Variants in FAT3 observed in about 807,000 individuals in gnomAD.
FAT3 encodes protocadherin Fat 3.
Under a neutral mutation model 310.2 loss-of-function variants are expected in FAT3, and 95 were observed. The ratio of observed to expected loss-of-function variants is 0.31; its 90% CI spans 0.26 to 0.36. The LOEUF is 0.36. FAT3 is among the 10% of genes least tolerant of loss of function. FAT3 has a pLI of 1.00. For missense variants in FAT3, 5,408 were observed against 5,715.6 expected, an observed-to-expected ratio of 0.95 and a Z score of 1.74; for synonymous variants, 2,314 against 2,192.9, an observed-to-expected ratio of 1.06 and a Z score of -1.54.
intron 3 of FAT3, among the ~76,000 whole-genome samples, chr11:92,634,484 A>G (rs1941682681): frequency 6.6e-6 from 1 of 152,206 alleles, no homozygotes; most frequent in Admixed American, 6.5e-5. Flanking sequence ...ATCTTCACTC[A>G]GCTGGACAAT....
rs1261489545 is a variant in FAT3 at position 92,801,806 on chromosome 11, G to C, written c.8793G>C (p.Gly2931=). Residue 2931 remains glycine, a synonymous_variant, in exon 10 of 28, where the codon GGG becomes GGC. Coordinates refer to ENST00000525166, the MANE Select transcript of FAT3 (RefSeq NM_001367949.2). ...APVFAQEVYR[G]NVKESDPPGE... is the part of the protein sequence containing the mutation. Reference sequence around the variant, plus strand: ...TCTTCGCGCAGGAAGTGTACCGAGGGAATGTGAAGGAGAGCGACCCACCGG... The same window carrying C: ...TCTTCGCGCAGGAAGTGTACCGAGGCAATGTGAAGGAGAGCGACCCACCGG... 3.4e-5 allele frequency: 55 copies of C among 1,613,690 alleles called. No individual in the cohort carries two copies. The highest frequency in any genetic ancestry group is 4.6e-5 in the Non-Finnish European group (54 of 1,179,844).
At chr11:92,317,198 C>G (rs148484122) in intron 1 of FAT3, among the ~76,000 whole-genome samples, 221 of 152,320 alleles carry the variant, frequency 1.5e-3, no homozygotes, top group African/African-American at 4.9e-3. Flanking sequence ...TTTCTCTTCT[C>G]TCCCTGCAAA....
At chr11:92,471,116 T>C (rs889804712) in intron 2 of FAT3, among the ~76,000 whole-genome samples, 1 of 152,230 alleles carries the variant, frequency 6.6e-6, no homozygotes, top group Non-Finnish European at 1.5e-5. Flanking sequence ...TATTTACTTT[T>C]TATGACTATT....
chr11:92,328,912 G>A (rs73546472), intron 1 of FAT3, among the ~76,000 whole-genome samples: 2,282 of 152,228 alleles, frequency 0.015, 56 homozygotes, highest in African/African-American at 0.053. Flanking sequence ...ATGTGACAGT[G>A]GGGTAAAGCA....
intron 22 of FAT3, among the ~76,000 whole-genome samples, chr11:92,880,499 C>T (rs1949648724): frequency 6.6e-6 from 1 of 151,842 alleles, no homozygotes; most frequent in African/African-American, 2.4e-5. Context: ...CACTAGCATT[C>T]ATGTATGTGG....
intron 2 of FAT3, among the ~76,000 whole-genome samples, chr11:92,513,728 A>G (rs946697135): frequency 6.6e-6 from 1 of 152,346 alleles, no homozygotes; most frequent in Middle Eastern, 3.4e-3. Context: ...GCACAAGTGA[A>G]CAGACTCTGT....
intron 1 of FAT3, among the ~76,000 whole-genome samples, chr11:92,312,516 C>G (rs1028099936): frequency 6.6e-6 from 1 of 152,126 alleles, no homozygotes; most frequent in Non-Finnish European, 1.5e-5. Context: ...TTGCACCACA[C>G]AAAACAAATA....
intron 1 of FAT3, among the ~76,000 whole-genome samples, chr11:92,250,870 C>G (rs1865109512): frequency 6.6e-6 from 1 of 152,116 alleles, no homozygotes; most frequent in African/African-American, 2.4e-5. Context: ...GCTGTCGTTT[C>G]TTAGTGGAGT....
chr11:92,448,926 G>A (rs2135111882), intron 2 of FAT3, among the ~76,000 whole-genome samples: 1 of 152,258 alleles, frequency 6.6e-6, no homozygotes, highest in African/African-American at 2.4e-5. Context: ...ATTCCAAAGG[G>A]CAGCATGGGG....
At chr11:92,447,990 C>A (rs919666661) in intron 2 of FAT3, among the ~76,000 whole-genome samples, 1 of 152,066 alleles carries the variant, frequency 6.6e-6, no homozygotes, top group African/African-American at 2.4e-5. Flanking sequence ...GGGAGAGAAC[C>A]TGGGAAAGGT....
chr11:92,873,897 T>C (rs1483606757), intron 22 of FAT3, among the ~76,000 whole-genome samples: 2 of 152,314 alleles, frequency 1.3e-5, no homozygotes, highest in East Asian at 3.9e-4. Flanking sequence ...ATCTGAGAAC[T>C]GGCATGAAGT....
At chr11:92,497,282 A>T (rs142609266) in intron 2 of FAT3, among the ~76,000 whole-genome samples, 1 of 152,018 alleles carries the variant, frequency 6.6e-6, no homozygotes, top group Non-Finnish European at 1.5e-5. Context: ...TTTGTTAGAT[A>T]ATGAGTTTGT....
chr11:92,478,604 C>A (rs1025086679), intron 2 of FAT3, among the ~76,000 whole-genome samples: 2 of 151,404 alleles, frequency 1.3e-5, no homozygotes, highest in South Asian at 4.1e-4. Context: ...AGAAACGATG[C>A]ACTTTCTATC....
intron 1 of FAT3, among the ~76,000 whole-genome samples, chr11:92,350,330 T>G (rs1948529399): frequency 2.0e-5 from 3 of 150,826 alleles, no homozygotes; most frequent in Admixed American, 1.3e-4. Flanking sequence ...TTGTAATATT[T>G]TAATATGTTA....
chr11:92,733,833 A>G (rs776350062), intron 4 of FAT3, among the ~76,000 whole-genome samples: 24 of 152,198 alleles, frequency 1.6e-4, no homozygotes, highest in Non-Finnish European at 3.1e-4. Context: ...CTCACAATAG[A>G]GATGATTGTT....
At chr11:92,236,416 A>G (rs1328126490) in intron 1 of FAT3, among the ~76,000 whole-genome samples, 2 of 152,150 alleles carry the variant, frequency 1.3e-5, no homozygotes, top group African/African-American at 2.4e-5. Context: ...ACACTGCACT[A>G]TATTCATTAT....
At chr11:92,662,472 T>C (rs1294698693) in intron 3 of FAT3, among the ~76,000 whole-genome samples, 1 of 152,204 alleles carries the variant, frequency 6.6e-6, no homozygotes, top group Non-Finnish European at 1.5e-5. Context: ...CTGGAAGATA[T>C]TAAACTGCTG....
At chr11:92,440,218 G>A (rs534719037) in intron 2 of FAT3, among the ~76,000 whole-genome samples, 1 of 152,250 alleles carries the variant, frequency 6.6e-6, no homozygotes, top group East Asian at 1.9e-4. Flanking sequence ...GGTGCAATTA[G>A]TTTATTAGGG....
At chr11:92,608,487 G>A in intron 3 of FAT3, among the ~76,000 whole-genome samples, 1 of 152,000 alleles carries the variant, frequency 6.6e-6, no homozygotes, top group East Asian at 1.9e-4. Flanking sequence ...TGAAATATGT[G>A]AGTTTGCAGG....
Sources: gnomAD v4.1 joint callset for allele counts (sites outside exome capture counted in the v4.1 genomes callset) on GRCh38, gnomAD v4.1.1 for gene constraint, MANE v1.5 for transcripts, NCBI Gene and HGNC (gene_info 2026-07-23, HGNC 2026-07-21) for gene names.